PRKRIP1: variants seen among roughly 807,000 people sequenced by gnomAD.
PRKRIP1 encodes the protein PRKR interacting protein 1.
In PRKRIP1, 29 loss-of-function variants were observed where a neutral mutation model predicts 29.3. The observed-to-expected ratio is 0.99, with a 90% CI of 0.74 to 1.35. The LOEUF (loss-of-function observed/expected upper bound fraction) is 1.35, where lower values mean the gene tolerates loss of function less well. Ranked by LOEUF, PRKRIP1 falls within the 40% of genes most tolerant of loss-of-function variation. PRKRIP1 has a pLI of 0.00. For synonymous variants in PRKRIP1, 90 were observed against 85.1 expected (o/e 1.06, Z -0.32); for missense variants, 247 against 236.8 (o/e 1.04, Z -0.28).
intron 5 of PRKRIP1, chr7:102,423,140 A>C (rs1796741136): frequency 2.4e-6 from 1 of 408,968 alleles, no homozygotes; most frequent in African/African-American, 2.5e-5. Context: ...TTTGAGACAG[A>C]GTCTGCCTCT....
chr7:102,405,967 A>G, intron 4 of PRKRIP1: 1 of 281,262 alleles, frequency 3.6e-6, no homozygotes, highest in Non-Finnish European at 7.1e-6. Context: ...TCCCTGCAAA[A>G]AGTTGTCAAA....
Position 102,426,020 on chromosome 7 carries a change from G to A in PRKRIP1, c.*909G>A, listed in dbSNP as rs1485892554. On this transcript the variant is annotated 3_prime_UTR_variant, in exon 6 of 6. Transcript: ENST00000397912. ...CCGGCTCACAGCAGTTGGGGCCAGCGGGGAGAAGAGAGGCGGAACTGCTGT... is the reference window on the plus strand; with the variant it reads ...CCGGCTCACAGCAGTTGGGGCCAGCAGGGAGAAGAGAGGCGGAACTGCTGT... 6.5e-6 allele frequency: 1 copy of A among 153,060 alleles called. No individual in the cohort carries two copies. The highest frequency in any genetic ancestry group is 1.5e-5 in the Non-Finnish European group (1 of 68,272). The allele number at this position is 153,060 out of a possible 1,614,324, so 9.5% of individuals were successfully genotyped here.
intron 5 of PRKRIP1, among the ~76,000 whole-genome samples, chr7:102,414,409 G>A (rs574848539): frequency 2.6e-5 from 4 of 152,104 alleles, no homozygotes; most frequent in South Asian, 2.1e-4. Flanking sequence ...CATTATACAC[G>A]TACTGCTTAA....
chr7:102,400,458 A>G (rs1291861073), intron 3 of PRKRIP1, among the ~76,000 whole-genome samples: 5 of 152,166 alleles, frequency 3.3e-5, no homozygotes, highest in African/African-American at 7.2e-5. Flanking sequence ...GAAAGAGACC[A>G]TATTGTGTAA....
In PRKRIP1 at chr7:102,416,333, G is replaced by A. The variant is rs139830311; in HGVS notation, c.458-8681G>A. On this transcript the variant is annotated intron_variant, in intron 5 of 5. Transcript: ENST00000397912. Reference sequence around the variant, plus strand: ...CTTCCTAAATTAACCTGGTACATTGGTCACAGTGTGTGAACCCACATCGAT... The same window carrying A: ...CTTCCTAAATTAACCTGGTACATTGATCACAGTGTGTGAACCCACATCGAT... Among the ~76,000 whole-genome samples the A allele has an allele frequency of 2.0e-5, 3 of 152,186 alleles. No individual in the cohort carries two copies. In the East Asian group the frequency reaches 5.8e-4, roughly 29 times the overall value.
chr7:102,408,884 A>G lies in PRKRIP1; in HGVS notation c.457+1386A>G, dbSNP rs140224465. On this transcript the variant is annotated intron_variant, in intron 5 of 5. Coordinates refer to ENST00000397912, the MANE Select transcript of PRKRIP1 (RefSeq NM_024653.4). ...AAAAGCAAAACTCCATCTCAAAAAA[A>G]TAAAACAGGCCAGGCGTGGTGGCTC... Among the ~76,000 whole-genome samples the G allele has an allele frequency of 7.0e-4, 106 of 152,264 alleles. 1 individual carries two copies. The East Asian group carries it at 0.018, about 26-fold the overall frequency.
intron 5 of PRKRIP1, among the ~76,000 whole-genome samples, chr7:102,412,016 C>T (rs977792479): frequency 2.0e-5 from 3 of 151,912 alleles, no homozygotes; most frequent in Admixed American, 6.6e-5. Context: ...GATCTCAGCT[C>T]GCTGTAACCC....
At chr7:102,416,010 G>A (rs187222116) in intron 5 of PRKRIP1, among the ~76,000 whole-genome samples, 1 of 152,342 alleles carries the variant, frequency 6.6e-6, no homozygotes, top group East Asian at 1.9e-4. Context: ...TCATCTGACT[G>A]GAGAAGCTCT....
intron 2 of PRKRIP1, among the ~76,000 whole-genome samples, chr7:102,399,346 T>C (rs1181852613): frequency 6.6e-6 from 1 of 152,176 alleles, no homozygotes; most frequent in Non-Finnish European, 1.5e-5. Context: ...TTAGTGACTT[T>C]ACATTCAACA....
chr7:102,396,638 A>C (rs1345830503), intron 1 of PRKRIP1, 101 bp downstream of exon 1: 3 of 1,303,886 alleles, frequency 2.3e-6, no homozygotes, highest in East Asian at 2.6e-5. Flanking sequence ...CTCCAAACTC[A>C]GAAACTCAGT....
At chr7:102,396,643 C>G (rs1288317409) in intron 1 of PRKRIP1, 106 bp downstream of exon 1, 2 of 1,258,842 alleles carry the variant, frequency 1.6e-6, no homozygotes, top group East Asian at 2.7e-5. Flanking sequence ...AACTCAGAAA[C>G]TCAGTATCCG....
chr7:102,406,705 C>T (rs1266365684), intron 4 of PRKRIP1, among the ~76,000 whole-genome samples: 1 of 152,182 alleles, frequency 6.6e-6, no homozygotes, highest in Non-Finnish European at 1.5e-5. Flanking sequence ...CACCACTGCA[C>T]TGTACATTCA....
At chr7:102,398,494 A>C (rs576836017) in intron 2 of PRKRIP1, among the ~76,000 whole-genome samples, 13 of 152,066 alleles carry the variant, frequency 8.5e-5, no homozygotes, top group Admixed American at 2.6e-4. Context: ...TATGTTGGCC[A>C]GGCTGGTCTT....
At chr7:102,403,698 A>G (rs1319860230) in intron 3 of PRKRIP1, among the ~76,000 whole-genome samples, 2 of 152,182 alleles carry the variant, frequency 1.3e-5, no homozygotes, top group African/African-American at 4.8e-5. Flanking sequence ...TATTGTTCCT[A>G]ACAGCTCTGG....
intron 5 of PRKRIP1, among the ~76,000 whole-genome samples, chr7:102,409,288 C>G (rs1400173150): frequency 6.6e-6 from 1 of 152,134 alleles, no homozygotes; most frequent in Admixed American, 6.5e-5. Flanking sequence ...TCACCCTTTC[C>G]TAGAAGAAAT....
chr7:102,407,716 C>G (rs1277117921), intron 5 of PRKRIP1, among the ~76,000 whole-genome samples: 2 of 152,156 alleles, frequency 1.3e-5, no homozygotes, highest in Admixed American at 6.5e-5. Context: ...AGGTTGAGGA[C>G]AGACCTCCCT....
intron 2 of PRKRIP1, 87 bp from the exon 3 acceptor site, chr7:102,399,460 CT>C: frequency 9.5e-7 from 1 of 1,057,166 alleles, no homozygotes. Context: ...ACGACTTCCA[CT>C]TTTTGTTTCT....
At chr7:102,420,112 G>A (rs1306282623) in intron 5 of PRKRIP1, among the ~76,000 whole-genome samples, 3 of 151,984 alleles carry the variant, frequency 2.0e-5, no homozygotes, top group African/African-American at 2.4e-5. Context: ...TCTCGAACTC[G>A]TGACCTCAAG....
chr7:102,407,367 GTGTT>G, intron 4 of PRKRIP1, 63 bp from the exon 5 acceptor site: 1 of 925,184 alleles, frequency 1.1e-6, no homozygotes, highest in Non-Finnish European at 1.7e-6. Context: ...CCATAAGGAG[GTGTT>G]TATTTTCTAA....
Sources: allele counts gnomAD v4.1 joint callset (sites outside exome capture counted in the v4.1 genomes callset), GRCh38; gene constraint gnomAD v4.1.1; transcripts MANE v1.5; gene names NCBI Gene and HGNC (gene_info 2026-07-23, HGNC 2026-07-21).